The following KIF1A variants were observed in gnomAD, a reference collection of about 807,000 sequenced individuals.
KIF1A encodes kinesin family member 1A, also known as kinesin-like protein KIF1A.
In KIF1A, 46 loss-of-function variants were observed where a neutral mutation model predicts 227.3. The observed-to-expected ratio is 0.20, with a 90% CI of 0.16 to 0.26. The LOEUF is 0.26. Ranked by LOEUF, KIF1A falls within the 10% of genes least tolerant of loss-of-function variation. The pLI, the probability that KIF1A is intolerant of heterozygous loss-of-function variation, is 1.00. For missense variants in KIF1A, 1,683 were observed against 2,485.9 expected, an observed-to-expected ratio of 0.68 and a Z score of 6.87; for synonymous variants, 1,022 against 1,012.8, an observed-to-expected ratio of 1.01 and a Z score of -0.17.
At chr2:240,760,516 T>C in intron 25 of KIF1A, 149 bp downstream of exon 25, 1 of 544,566 alleles carries the variant, frequency 1.8e-6, no homozygotes, top group Non-Finnish European at 3.1e-6. Context: ...TATTCACATT[T>C]TTCTTCTGAT....
intron 27 of KIF1A, among the ~76,000 whole-genome samples, chr2:240,754,663 C>T (rs1024453919): frequency 4.6e-5 from 7 of 152,312 alleles, no homozygotes; most frequent in African/African-American, 1.4e-4. Context: ...CCCACCTGCC[C>T]TCTAGGTGCC....
At position 240,769,662 on chromosome 2, in the gene KIF1A, C is replaced by T; in HGVS notation, c.1386G>A (p.Glu462=). Residue 462 remains glutamate (E), a synonymous_variant, in exon 16 of 49, where the codon GAG becomes GAA. Coordinates refer to ENST00000498729, the MANE Select transcript of KIF1A (RefSeq NM_001244008.2). ...GGATGGCTTCTGTCCGCCGCAGCTT[C>T]TCCTCCCAGGTCTCATTGAGCTCAG... ...IIAELNETWE[E]KLRRTEAIRM... The T allele has an allele frequency of 6.2e-7, 1 of 1,613,590 alleles. No individual in the cohort carries two copies. Among genetic ancestry groups the T allele is most frequent in the Non-Finnish European group, 8.5e-7 (1 of 1,179,792 alleles).
At chr2:240,767,701 C>A (rs1048842671) in intron 17 of KIF1A, among the ~76,000 whole-genome samples, 1 of 152,262 alleles carries the variant, frequency 6.6e-6, no homozygotes, top group Non-Finnish European at 1.5e-5. Flanking sequence ...GGGTGAGCCC[C>A]CAGATGTGCA....
rs1001907569 is a variant in KIF1A at position 240,757,501 on chromosome 2, G to A, written c.2676C>T (p.Ser892=). 1 of 1,550,498 alleles carries A rather than the reference G, an allele frequency of 6.4e-7. No homozygotes were observed. The highest frequency in any genetic ancestry group is 8.7e-7 in the Non-Finnish European group (1 of 1,146,994). The change falls in exon 27 of 49, where the codon AGC becomes AGT. Residue 892 remains serine, a synonymous_variant. Transcript: ENST00000498729. The surrounding 1 kb of genome is among the most constrained non-coding windows in gnomAD (Gnocchi z 6.2). ...CAGGCTCGGTGGCGTCGGAGTCGGG[G>A]CTCGAGAAGGTGGGGGAGGGGGTGA... ...AALTPSPTFS[S]PDSDATEPAE...
chr2:240,719,964 C>T, intron 45 of KIF1A, 38 bp from the exon 46 acceptor site: 3 of 1,549,522 alleles, frequency 1.9e-6, no homozygotes, highest in Non-Finnish European at 2.6e-6. Flanking sequence ...CTGCAGGCCT[C>T]CCTGGGCCTG....
chr2:240,821,062 T>C (rs1464557380), upstream of KIF1A, among the ~76,000 whole-genome samples: 1 of 152,094 alleles, frequency 6.6e-6, no homozygotes, highest in Admixed American at 6.5e-5. Flanking sequence ...GCCACCGTCC[T>C]CCCTCCACCG....
Position 240,758,617 on chromosome 2 carries a change from G to A in KIF1A, c.2445-120C>T. The A allele has an allele frequency of 9.6e-7, 1 of 1,042,130 alleles. No individual in the cohort carries two copies. Among genetic ancestry groups the A allele is most frequent in the South Asian group, 2.4e-5 (1 of 42,082 alleles). The allele number at this position is 1,042,130 out of a possible 1,614,324, so 64.6% of individuals were successfully genotyped here. ...AGCTCTGGCCACCACATCCAGCTCA[G>A]GGTCATCAAGGTCCAGGGGGCTTGC... On this transcript the variant is annotated intron_variant, in intron 25 of 48. Transcript: ENST00000498729. The surrounding 1 kb of genome is among the most constrained non-coding windows in gnomAD (Gnocchi z 5.2).
At chr2:240,799,482 C>T (rs973276249) in intron 1 of KIF1A, among the ~76,000 whole-genome samples, 1 of 152,180 alleles carries the variant, frequency 6.6e-6, no homozygotes, top group Non-Finnish European at 1.5e-5. Context: ...GGACTCGTGC[C>T]GCCTACACCA....
At chr2:240,777,392 A>C (rs1464373859) in intron 10 of KIF1A, among the ~76,000 whole-genome samples, 1 of 152,120 alleles carries the variant, frequency 6.6e-6, no homozygotes, top group Non-Finnish European at 1.5e-5. Flanking sequence ...ATTCTCTGCT[A>C]TGTGTCACAT....
intron 1 of KIF1A, among the ~76,000 whole-genome samples, chr2:240,814,360 T>A (rs1040181525): frequency 2.0e-5 from 3 of 151,988 alleles, no homozygotes; most frequent in Admixed American, 2.0e-4. Context: ...GGTGACCCTA[T>A]CCTTAGAGTT....
At chr2:240,780,674 G>A (rs930047857) in intron 10 of KIF1A, among the ~76,000 whole-genome samples, 30 of 151,662 alleles carry the variant, frequency 2.0e-4, no homozygotes, top group Non-Finnish European at 3.5e-4. Flanking sequence ...TTCCCACCAC[G>A]GTTCCTGAGG....
In KIF1A at chr2:240,725,011, C is replaced by G. The variant is rs1485140682; in HGVS notation, c.4256+260G>C. On this transcript the variant is annotated intron_variant, in intron 40 of 48. Coordinates refer to ENST00000498729, the MANE Select transcript of KIF1A (RefSeq NM_001244008.2). This position sits in a 1 kb window ranked among gnomAD's most constrained non-coding sequence, Gnocchi z 5.8. ...CCAGGTGGGCACCCTGGGCCTGCCC[C>G]TCCTCCCATCCGCTGCAGGCTGGCC... Among the ~76,000 whole-genome samples, 1 of 151,566 alleles carries G rather than the reference C, an allele frequency of 6.6e-6. No homozygotes were observed. Among genetic ancestry groups the G allele is most frequent in the Non-Finnish European group, 1.5e-5 (1 of 67,844 alleles).
chr2:240,744,285 C>G (rs2048339705), intron 32 of KIF1A, among the ~76,000 whole-genome samples: 1 of 152,168 alleles, frequency 6.6e-6, no homozygotes, highest in African/African-American at 2.4e-5. Flanking sequence ...GGCTCTCTCT[C>G]CAGGACGAAC....
rs181722483 is a variant in KIF1A, at chr2:240,759,959, C to T, written c.2444+706G>A. ...TTGAGCCCAGGAGTTTGAGCTGCAG[C>T]GAGCCATGATCACACCACTGCACTC... is the stretch of plus-strand genomic sequence containing the variant. On this transcript the variant is annotated intron_variant, in intron 25 of 48. Transcript: ENST00000498729. Among the ~76,000 whole-genome samples, 145 of 151,466 alleles carry T rather than the reference C, an allele frequency of 9.6e-4. 2 individuals carry two copies. Among genetic ancestry groups the T allele is most frequent in the African/African-American group, 3.1e-3 (127 of 41,216 alleles).
Position 240,715,878 on chromosome 2 carries a change from G to A in KIF1A, c.*1486C>T, listed in dbSNP as rs530196248. 1.2e-4 allele frequency: 19 copies of A among 152,402 alleles called. No individual in the cohort carries two copies. Among genetic ancestry groups the A allele is most frequent in the Admixed American group, 1.2e-3 (19 of 15,306 alleles). 9.4% of individuals were successfully genotyped at this position (152,402 alleles called of 1,614,324 possible). ...CCAGACCCGATGTAACTGCTCCCAC[G>A]GGCCACGGCGGGAGAGGGGCTCTGT... On this transcript the variant is annotated 3_prime_UTR_variant, in exon 49 of 49. Transcript: ENST00000498729.
At chr2:240,748,633 C>T in intron 28 of KIF1A, 2 of 263,630 alleles carry the variant, frequency 7.6e-6, no homozygotes, top group Middle Eastern at 4.4e-4. Flanking sequence ...TCCCAGCTTC[C>T]CTGAGTATTG....
At chr2:240,764,537 G>A (rs902137965) in intron 20 of KIF1A, among the ~76,000 whole-genome samples, 5 of 152,100 alleles carry the variant, frequency 3.3e-5, no homozygotes, top group Admixed American at 3.3e-4. Context: ...GAAAGCCTTC[G>A]GGGGTGGGCA....
At position 240,737,052 on chromosome 2, in the gene KIF1A, C is replaced by G. The variant is rs1334315780; in HGVS notation, c.4007+11G>C. ...GCCCTGGGCCCTGTCTCCAGGGAGT[C>G]TCCGACTCACCGGTCATCTTGGGCT... On this transcript the variant is annotated intron_variant, in intron 38 of 48. Transcript: ENST00000498729. 6.2e-7 allele frequency: 1 copy of G among 1,605,692 alleles called. No homozygotes were observed. Among genetic ancestry groups the G allele is most frequent in the East Asian group, 2.2e-5 (1 of 44,738 alleles).
In KIF1A at chr2:240,723,602, C is replaced by T. The variant is rs2043252; in HGVS notation, c.4319-44G>A. On this transcript the variant is annotated intron_variant, in intron 41 of 48. Transcript: ENST00000498729. ...CATTCCACCCCTACCTGATGGGTGGCTGCTCCTCCCACCCATCCTAGAGGT... is the reference window on the plus strand; with the variant it reads ...CATTCCACCCCTACCTGATGGGTGGTTGCTCCTCCCACCCATCCTAGAGGT... 549,633 of 1,495,506 alleles carry T rather than the reference C, an allele frequency of 0.37. 104,300 individuals carry two copies. Among genetic ancestry groups the T allele is most frequent in the Admixed American group, 0.52 (24,507 of 47,376 alleles). The allele number at this position is 1,495,506 out of a possible 1,614,324, so 92.6% of individuals were successfully genotyped here. A position where few individuals can be genotyped will look rare whatever the true frequency, so the allele number is the denominator to read the frequency against.
Sources: allele counts gnomAD v4.1 joint callset (sites outside exome capture counted in the v4.1 genomes callset), GRCh38; gene constraint gnomAD v4.1.1; non-coding constraint Gnocchi (gnomAD v3.1); transcripts MANE v1.5; gene names NCBI Gene and HGNC (gene_info 2026-07-23, HGNC 2026-07-21).